Variants in PLBD1 observed in about 807,000 individuals in gnomAD.
PLBD1 encodes lysosomal leucine aminopeptidase.
Under a neutral mutation model 63.0 loss-of-function variants are expected in PLBD1, and 60 were observed. The ratio of observed to expected loss-of-function variants is 0.95; its 90% confidence interval spans 0.77 to 1.18. The LOEUF (loss-of-function observed/expected upper bound fraction) is 1.18, where lower values mean the gene tolerates loss of function less well. Ranked by LOEUF, PLBD1 falls within the 50% of genes most tolerant of loss-of-function variation. PLBD1 has a pLI of 0.00. For missense variants in PLBD1, 598 were observed against 677.9 expected (o/e 0.88, Z 1.31); for synonymous variants, 262 against 248.0 (o/e 1.06, Z -0.53).
At chr12:14,556,675 T>A (rs1045321648) in intron 1 of PLBD1, among the ~76,000 whole-genome samples, 5 of 151,474 alleles carry the variant, frequency 3.3e-5, no homozygotes, top group Non-Finnish European at 7.4e-5. Flanking sequence ...GGCCAACATT[T>A]TACTTTTTGA....
intron 10 of PLBD1, 55 bp downstream of exon 10, chr12:14,506,107 T>G (rs560503408): frequency 5.6e-4 from 709 of 1,275,240 alleles, no homozygotes; most frequent in Non-Finnish European, 7.5e-4. Flanking sequence ...AACTTTGCCT[T>G]TGGAGAGGCC....
chr12:14,549,392 A>G (rs1241814018), intron 2 of PLBD1, among the ~76,000 whole-genome samples: 2 of 152,218 alleles, frequency 1.3e-5, no homozygotes, highest in Admixed American at 1.3e-4. Flanking sequence ...GAGCTGCATC[A>G]AAGACTGCAA....
chr12:14,541,643 G>GGTT (rs1555147225), intron 3 of PLBD1, among the ~76,000 whole-genome samples: 1 of 152,174 alleles, frequency 6.6e-6, no homozygotes, highest in Non-Finnish European at 1.5e-5. Context: ...TTCATGAAGA[G>GGTT]GTTGCTTAGA....
At chr12:14,516,477 G>A (rs1211136953) in intron 6 of PLBD1, among the ~76,000 whole-genome samples, 1 of 152,150 alleles carries the variant, frequency 6.6e-6, no homozygotes, top group Non-Finnish European at 1.5e-5. Context: ...TGTTACAAAT[G>A]TCCCAGCCCA....
At chr12:14,530,736 G>A (rs554365968) in intron 6 of PLBD1, among the ~76,000 whole-genome samples, 1 of 152,294 alleles carries the variant, frequency 6.6e-6, no homozygotes, top group Non-Finnish European at 1.5e-5. Flanking sequence ...CAATTGTATT[G>A]GCTGCCATTT....
intron 2 of PLBD1, among the ~76,000 whole-genome samples, chr12:14,550,598 G>C (rs1296873885): frequency 6.6e-6 from 1 of 152,126 alleles, no homozygotes. Context: ...TAAAAAATTA[G>C]GCTGGGTGCG....
chr12:14,556,932 C>T (rs535284864), intron 1 of PLBD1, among the ~76,000 whole-genome samples: 6 of 136,574 alleles, frequency 4.4e-5, no homozygotes, highest in East Asian at 2.3e-4. Flanking sequence ...TGCAGTGAGC[C>T]GAGATCGTGC....
At position 14,503,780 on chromosome 12, in the gene PLBD1, T is replaced by TATC; in HGVS notation, c.1651_1653dup (p.Asp551dup). On this transcript the variant is annotated inframe_insertion, in exon 11 of 11. Transcript: ENST00000240617. Reference sequence around the variant, plus strand: ...TCCGTCATCTCCCTCCTTCATTTTATATCAAGTTTCAAAATTGGTTTCATG... The same window carrying TATC: ...TCCGTCATCTCCCTCCTTCATTTTATATCATCAAGTTTCAAAATTGGTTTCATG... The TATC allele has an allele frequency of 6.2e-7, 1 of 1,612,466 alleles. No individual in the cohort carries two copies. Among genetic ancestry groups the TATC allele is most frequent in the Non-Finnish European group, 8.5e-7 (1 of 1,178,552 alleles).
chr12:14,528,500 T>C (rs918448210), intron 6 of PLBD1, among the ~76,000 whole-genome samples: 5 of 152,136 alleles, frequency 3.3e-5, no homozygotes, highest in Admixed American at 3.3e-4. Flanking sequence ...AAGCTATGGA[T>C]TAAATAAATC....
intron 9 of PLBD1, 146 bp from the exon 10 acceptor site, chr12:14,506,414 A>G: frequency 3.3e-6 from 2 of 611,398 alleles, no homozygotes; most frequent in Non-Finnish European, 5.6e-6. Flanking sequence ...TTCCAGATAG[A>G]GACATCTCCC....
intron 4 of PLBD1, among the ~76,000 whole-genome samples, chr12:14,540,444 G>A (rs1945563438): frequency 6.6e-6 from 1 of 151,902 alleles, no homozygotes; most frequent in African/African-American, 2.4e-5. Context: ...TTGTCTTAAT[G>A]AGCATGCAGT....
At chr12:14,509,379 CT>C (rs1302281238) in intron 8 of PLBD1, among the ~76,000 whole-genome samples, 2 of 152,154 alleles carry the variant, frequency 1.3e-5, no homozygotes, top group African/African-American at 4.8e-5. Context: ...GCATCTCTCT[CT>C]CTTGAGGCAT....
intron 8 of PLBD1, among the ~76,000 whole-genome samples, chr12:14,510,864 C>G (rs748337553): frequency 6.6e-5 from 10 of 152,176 alleles, no homozygotes; most frequent in Non-Finnish European, 7.3e-5. Flanking sequence ...GAGTGCTTTG[C>G]TTCCCTACTA....
At chr12:14,517,086 T>A (rs2136909070) in intron 6 of PLBD1, among the ~76,000 whole-genome samples, 1 of 152,226 alleles carries the variant, frequency 6.6e-6, no homozygotes, top group South Asian at 2.1e-4. Flanking sequence ...TATTCCCACA[T>A]AGAAGCTCCA....
chr12:14,536,722 C>T lies in PLBD1; in HGVS notation c.559-12G>A. On this transcript the variant is annotated splice_polypyrimidine_tract_variant and intron_variant, in intron 4 of 10. Transcript: ENST00000240617. ...AACAGGGTCATTGGCTAGGAAAGGACAAAGACTGCACTTAACATCGTTTTG... is the reference window on the plus strand; with the variant it reads ...AACAGGGTCATTGGCTAGGAAAGGATAAAGACTGCACTTAACATCGTTTTG... The T allele has an allele frequency of 6.2e-7, 1 of 1,613,148 alleles. No homozygotes were observed. The highest frequency in any genetic ancestry group is 8.5e-7 in the Non-Finnish European group (1 of 1,179,392).
intron 10 of PLBD1, among the ~76,000 whole-genome samples, chr12:14,505,922 T>G (rs1945251466): frequency 2.0e-5 from 3 of 152,236 alleles, no homozygotes; most frequent in African/African-American, 7.2e-5. Context: ...TACTGTTATA[T>G]CCATTTTACA....
intron 8 of PLBD1, among the ~76,000 whole-genome samples, chr12:14,510,325 C>T (rs921507400): frequency 1.9e-4 from 29 of 151,686 alleles, no homozygotes; most frequent in African/African-American, 7.0e-4. Context: ...ACCCGAAAGG[C>T]AGAGGTTGCA....
chr12:14,506,798 T>C lies in PLBD1; in HGVS notation c.1372+135A>G, dbSNP rs1427220359. On this transcript the variant is annotated intron_variant, in intron 9 of 10. Transcript: ENST00000240617. The stretch of plus-strand genomic sequence containing the variant: ...AGCTCTATTTATTGAGTATAAAATG[T>C]ACAATATTAGTTAAATACTTAAATA... 6 of 697,342 alleles carry C rather than the reference T, an allele frequency of 8.6e-6. No individual in the cohort carries two copies. The Admixed American group carries it at 1.3e-4, about 16-fold the overall frequency. The allele number at this position is 697,342 out of a possible 1,614,324, so 43.2% of individuals were successfully genotyped here. A position where few individuals can be genotyped will look rare whatever the true frequency, so the allele number is the denominator to read the frequency against.
intron 4 of PLBD1, among the ~76,000 whole-genome samples, chr12:14,538,126 T>C (rs963105918): frequency 2.0e-5 from 3 of 152,096 alleles, no homozygotes; most frequent in African/African-American, 7.2e-5. Context: ...TTTCATTTAA[T>C]GTTTTGGGGA....
Sources: gnomAD v4.1 joint callset for allele counts (sites outside exome capture counted in the v4.1 genomes callset) on GRCh38, gnomAD v4.1.1 for gene constraint, MANE v1.5 for transcripts, NCBI Gene and HGNC (gene_info 2026-07-23, HGNC 2026-07-21) for gene names.